The following NOL9 variants were observed in gnomAD, a reference collection of about 807,000 sequenced individuals.
NOL9 encodes polynucleotide 5'-hydroxyl-kinase NOL9.
Under a neutral mutation model 67.9 loss-of-function variants are expected in NOL9, and 28 were observed. The observed-to-expected ratio is 0.41, with a 90% CI of 0.31 to 0.57. NOL9 has a LOEUF of 0.57. Ranked by LOEUF, NOL9 falls within the 20% of genes least tolerant of loss-of-function variation. The pLI, the probability that NOL9 is intolerant of heterozygous loss-of-function variation, is 0.25. For synonymous variants in NOL9, 356 were observed against 352.2 expected, an observed-to-expected ratio of 1.01 and a Z score of -0.12; for missense variants, 777 against 897.0, an observed-to-expected ratio of 0.87 and a Z score of 1.71.
At position 6,543,102 on chromosome 1, in the gene NOL9, C is replaced by G. The variant is rs557543860; in HGVS notation, c.978-1175G>C. Among the ~76,000 whole-genome samples the G allele has an allele frequency of 5.9e-5, 9 of 151,964 alleles. No homozygotes were observed. The East Asian group carries it at 1.8e-3, about 30-fold the overall frequency. On this transcript the variant is annotated intron_variant, in intron 5 of 11. Transcript: ENST00000377705. Reference sequence around the variant, plus strand: ...AGAGACAGGGTCTCATTACGTTGCCCAGGCTGGTCCGAAACTCCTGGGCTC... The same window carrying G: ...AGAGACAGGGTCTCATTACGTTGCCGAGGCTGGTCCGAAACTCCTGGGCTC...
At chr1:6,552,158 G>C (rs1408933590) in intron 1 of NOL9, among the ~76,000 whole-genome samples, 2 of 152,344 alleles carry the variant, frequency 1.3e-5, no homozygotes, top group East Asian at 1.9e-4. Flanking sequence ...GTCTGGGGAA[G>C]GGCGTCAGGA....
intron 10 of NOL9, among the ~76,000 whole-genome samples, chr1:6,527,792 G>A (rs547179487): frequency 1.9e-4 from 29 of 151,936 alleles, no homozygotes; most frequent in African/African-American, 6.0e-4. Flanking sequence ...TTAGCTGGGC[G>A]TGGTGGCACA....
At chr1:6,530,361 G>A (rs976274655) in intron 9 of NOL9, among the ~76,000 whole-genome samples, 11 of 152,196 alleles carry the variant, frequency 7.2e-5, no homozygotes, top group Non-Finnish European at 1.3e-4. Flanking sequence ...GGCTGACGCA[G>A]GAGAATCGCT....
At position 6,522,266 on chromosome 1, in the gene NOL9, A is replaced by G. The variant is rs1001819340; in HGVS notation, c.*3588T>C. 13 of 152,104 alleles carry G rather than the reference A, an allele frequency of 8.5e-5. No homozygotes were observed. The highest frequency in any genetic ancestry group is 6.6e-4 in the Admixed American group (10 of 15,260). The allele number at this position is 152,104 out of a possible 1,614,324, so 9.4% of individuals were successfully genotyped here. ...AAAATTACATACAAAAATTACTAAG[A>G]GGCCCAGGCACAGTGTCTTATGCCT... On this transcript the variant is annotated 3_prime_UTR_variant, in exon 12 of 12. Transcript: ENST00000377705.
chr1:6,551,569 A>G (rs1639543457), intron 1 of NOL9, among the ~76,000 whole-genome samples: 1 of 152,130 alleles, frequency 6.6e-6, no homozygotes, highest in Non-Finnish European at 1.5e-5. Flanking sequence ...AGTACACTGC[A>G]GCCTGGGCGA....
chr1:6,545,618 CA>C (rs1402779690), intron 3 of NOL9, among the ~76,000 whole-genome samples: 1 of 152,162 alleles, frequency 6.6e-6, no homozygotes, highest in African/African-American at 2.4e-5. Flanking sequence ...ACTGGGAAAG[CA>C]ACCCAAGGAA....
At chr1:6,544,173 C>T (rs1355560190) in intron 5 of NOL9, among the ~76,000 whole-genome samples, 6 of 151,648 alleles carry the variant, frequency 4.0e-5, no homozygotes, top group Non-Finnish European at 7.4e-5. Context: ...GTCCCTGCTA[C>T]GTGGGAGGCT....
rs1176201555 is a variant in NOL9 at position 6,545,404 on chromosome 1, C to T, written c.745-224G>A. Reference sequence around the variant, plus strand: ...CTTTCTCTCGAGCCTTCACTGCCTCCGCAGGAGACTCCAGAGAAAAAGAAA... The same window carrying T: ...CTTTCTCTCGAGCCTTCACTGCCTCTGCAGGAGACTCCAGAGAAAAAGAAA... On this transcript the variant is annotated intron_variant, in intron 3 of 11. Coordinates refer to ENST00000377705, the MANE Select transcript of NOL9 (RefSeq NM_024654.5). 2.0e-5 allele frequency among the ~76,000 whole-genome samples: 3 copies of T among 152,236 alleles called. No individual in the cohort carries two copies. The highest frequency in any genetic ancestry group is 1.9e-4 in the East Asian group (1 of 5,176).
chr1:6,550,561 C>G lies in NOL9; in HGVS notation c.451G>C (p.Val151Leu), dbSNP rs1314454371. The G allele has an allele frequency of 2.5e-6, 4 of 1,613,932 alleles. No individual in the cohort carries two copies. The African/African-American group carries it at 5.3e-5, about 22-fold the overall frequency. ...RVTCLYGQVQ[V>L]FGFTISQGQP... ...CCTTGGCTGATGGTAAAACCAAATA[C>G]CTGCACCTGGCCATAGAGGCAAGTC... The change falls in exon 2 of 12, where the codon GTA (valine) becomes CTA (leucine). Residue 151 changes from valine to leucine, a missense_variant. Coordinates refer to ENST00000377705, the MANE Select transcript of NOL9 (RefSeq NM_024654.5).
At chr1:6,529,983 G>C (rs1224882222) in intron 9 of NOL9, among the ~76,000 whole-genome samples, 1 of 152,108 alleles carries the variant, frequency 6.6e-6, no homozygotes, top group African/African-American at 2.4e-5. Context: ...GCCAAGTGTG[G>C]TGGCGCATGC....
chr1:6,534,597 G>A (rs1639107167), intron 6 of NOL9, among the ~76,000 whole-genome samples: 1 of 152,222 alleles, frequency 6.6e-6, no homozygotes, highest in Non-Finnish European at 1.5e-5. Flanking sequence ...GTAGCCAGCA[G>A]CAGAGGGAGT....
intron 1 of NOL9, among the ~76,000 whole-genome samples, chr1:6,553,413 A>G (rs1639587259): frequency 6.6e-6 from 1 of 152,150 alleles, no homozygotes; most frequent in East Asian, 1.9e-4. Flanking sequence ...AAACACTTAG[A>G]GAGAGGGACA....
intron 6 of NOL9, 67 bp downstream of exon 6, chr1:6,541,763 T>G: frequency 1.1e-6 from 1 of 936,502 alleles, no homozygotes; most frequent in Middle Eastern, 2.5e-4. Context: ...GATTTCTGAG[T>G]TTTTGTTAGC....
At position 6,524,134 on chromosome 1, in the gene NOL9, A is replaced by T. The variant is rs1350384558; in HGVS notation, c.*1720T>A. 6.6e-6 allele frequency: 1 copy of T among 152,236 alleles called. No homozygotes were observed. The highest frequency in any genetic ancestry group is 1.5e-5 in the Non-Finnish European group (1 of 68,038). 9.4% of individuals were successfully genotyped at this position (152,236 alleles called of 1,614,324 possible). Reference sequence around the variant, plus strand: ...AGCTAGACTCAATTGTCTCAAAGGTATCAAAACTAATCACCATAGCAAGGT... The same window carrying T: ...AGCTAGACTCAATTGTCTCAAAGGTTTCAAAACTAATCACCATAGCAAGGT... On this transcript the variant is annotated 3_prime_UTR_variant, in exon 12 of 12. Transcript: ENST00000377705.
chr1:6,528,836 T>C (rs1172567848), intron 10 of NOL9, among the ~76,000 whole-genome samples, 158 bp downstream of exon 10: 1 of 152,230 alleles, frequency 6.6e-6, no homozygotes, highest in African/African-American at 2.4e-5. Context: ...GCTGCTTCCT[T>C]CCTGGCCTCC....
rs1157722554 is a variant in NOL9 at position 6,543,851 on chromosome 1, C to T, written c.977+975G>A. Among the ~76,000 whole-genome samples, 4 of 152,180 alleles carry T rather than the reference C, an allele frequency of 2.6e-5. No individual in the cohort carries two copies. In the East Asian group the frequency reaches 7.8e-4, roughly 30 times the overall value. ...ACAAAAAAATTAGCCAGAGGCCGGG[C>T]ATGGTGGCTCACGCCTGTAATCCTA... On this transcript the variant is annotated intron_variant, in intron 5 of 11. Transcript: ENST00000377705.
chr1:6,554,216 T>G lies in NOL9; in HGVS notation c.287A>C (p.Glu96Ala). Residue 96 changes from glutamate to alanine, a missense_variant, in exon 1 of 12, where the codon GAG becomes GCG. Physicochemically the swap from Glu to Ala is moderately radical, Grantham distance 107 (BLOSUM62 -1). Coordinates refer to ENST00000377705, the MANE Select transcript of NOL9 (RefSeq NM_024654.5). ...IPSPTPASEP[E>A]SEPELESASS... ...GGCGGATTCGAGTTCGGGTTCGGAC[T>G]CGGGTTCGGAGGCCGGGGTCGGGCT... 1 of 1,517,158 alleles carries G rather than the reference T, an allele frequency of 6.6e-7. No individual in the cohort carries two copies. The highest frequency in any genetic ancestry group is 8.8e-7 in the Non-Finnish European group (1 of 1,131,686). The allele number at this position is 1,517,158 out of a possible 1,614,324, so 94.0% of individuals were successfully genotyped here. A position where few individuals can be genotyped will look rare whatever the true frequency, so the allele number is the denominator to read the frequency against.
rs375841931 is a variant in NOL9 at position 6,549,561 on chromosome 1, C to G, written c.744+10G>C. 8.3e-5 allele frequency: 133 copies of G among 1,611,518 alleles called. No homozygotes were observed. The highest frequency in any genetic ancestry group is 1.0e-4 in the Non-Finnish European group (123 of 1,179,104). On this transcript the variant is annotated intron_variant, in intron 3 of 11. Transcript: ENST00000377705. ...TAATTAGCAAAACTCTGAATGAAAA[C>G]GGGTTCTACCTCTTGCACAAAAATG...
In NOL9 at chr1:6,526,721, A is replaced by C; in HGVS notation, c.1934T>G (p.Ile645Ser). 1 of 1,613,678 alleles carries C rather than the reference A, an allele frequency of 6.2e-7. No homozygotes were observed. Among genetic ancestry groups the C allele is most frequent in the Non-Finnish European group, 8.5e-7 (1 of 1,179,792 alleles). ...VNCLLVGAIA[I>S]PHCVLKCQRG... ...CTGGCACTTAAGGACACAATGTGGA[A>C]TGGCAATAGCTCCAACGAGCAGACA... The change falls in exon 11 of 12, where the codon ATT becomes AGT. Residue 645 changes from isoleucine to serine, a missense_variant. Around this residue, in one of 2 missense-constraint regions of NOL9, gnomAD observed 413 missense variants for 552.6 expected, o/e 0.75. Coordinates refer to ENST00000377705, the MANE Select transcript of NOL9 (RefSeq NM_024654.5).
Sources: allele counts gnomAD v4.1 joint callset (sites outside exome capture counted in the v4.1 genomes callset), GRCh38; gene constraint gnomAD v4.1.1; regional missense constraint gnomAD v4.1.1; transcripts MANE v1.5; gene names NCBI Gene and HGNC (gene_info 2026-07-23, HGNC 2026-07-21).